Variants in CHSY3 observed in about 807,000 individuals in gnomAD.
The protein encoded by CHSY3 is N-acetylgalactosaminyl-proteoglycan 3-beta-glucuronosyltransferase 3.
In CHSY3, 35 loss-of-function variants were observed where a neutral mutation model predicts 67.2. That is an observed-to-expected ratio of 0.52 (90% confidence interval 0.40 to 0.69). The LOEUF is 0.69. CHSY3 is among the 30% of genes least tolerant of loss of function. CHSY3 has a pLI of 0.00. For synonymous variants in CHSY3, 474 were observed against 434.7 expected, an observed-to-expected ratio of 1.09 and a Z score of -1.12; for missense variants, 1,069 against 1,138.5, an observed-to-expected ratio of 0.94 and a Z score of 0.88.
chr5:130,077,394 A>T (rs1042701132), intron 2 of CHSY3, among the ~76,000 whole-genome samples: 1 of 152,120 alleles, frequency 6.6e-6, no homozygotes, highest in African/African-American at 2.4e-5. Flanking sequence ...GCAGAAGCCC[A>T]AACAGGAATT....
intron 2 of CHSY3, among the ~76,000 whole-genome samples, chr5:130,138,995 A>T (rs1482676417): frequency 6.6e-6 from 1 of 152,210 alleles, no homozygotes; most frequent in Non-Finnish European, 1.5e-5. Flanking sequence ...CCTACTACAT[A>T]CATAGGCTAT....
chr5:129,929,797 T>C (rs1158011722), intron 2 of CHSY3, among the ~76,000 whole-genome samples: 1 of 152,192 alleles, frequency 6.6e-6, no homozygotes, highest in Non-Finnish European at 1.5e-5. Flanking sequence ...AAAATCTCTA[T>C]GGATAAATGG....
At chr5:130,062,493 A>G in intron 2 of CHSY3, among the ~76,000 whole-genome samples, 1 of 152,112 alleles carries the variant, frequency 6.6e-6, no homozygotes, top group East Asian at 1.9e-4. Context: ...CCTAATCTCT[A>G]TCAGTACGCA....
At chr5:130,089,590 A>C (rs1426261748) in intron 2 of CHSY3, among the ~76,000 whole-genome samples, 1 of 152,116 alleles carries the variant, frequency 6.6e-6, no homozygotes, top group Non-Finnish European at 1.5e-5. Context: ...GGAGAAACAC[A>C]AGTGTTGGTT....
At chr5:130,056,985 G>A (rs995516661) in intron 2 of CHSY3, among the ~76,000 whole-genome samples, 6 of 128,068 alleles carry the variant, frequency 4.7e-5, no homozygotes, top group East Asian at 2.4e-4. Flanking sequence ...GTGCAGTGGC[G>A]TGATCTCGGC....
chr5:130,179,678 A>G (rs999467686), intron 2 of CHSY3, among the ~76,000 whole-genome samples: 1 of 151,472 alleles, frequency 6.6e-6, no homozygotes, highest in East Asian at 1.9e-4. Context: ...GTTTTTCTCA[A>G]TTTCATGGCT....
intron 2 of CHSY3, among the ~76,000 whole-genome samples, chr5:129,990,721 T>G (rs1357910463): frequency 2.0e-5 from 3 of 152,160 alleles, no homozygotes; most frequent in Non-Finnish European, 4.4e-5. Context: ...ATTTTTCACT[T>G]TATTCATTCA....
intron 2 of CHSY3, among the ~76,000 whole-genome samples, chr5:130,087,076 T>G (rs1766662627): frequency 6.6e-6 from 1 of 152,114 alleles, no homozygotes; most frequent in Non-Finnish European, 1.5e-5. Context: ...TGCAAATCAA[T>G]AAATGTAATC....
rs540643583 is a variant in CHSY3, at chr5:129,905,449, C to G, written c.620C>G (p.Ser207Cys). Residue 207 changes from serine (S) to cysteine (C), a missense_variant, in exon 1 of 3, where the codon TCC becomes TGC. Physicochemically the swap from Ser to Cys is moderately radical, Grantham distance 112 (BLOSUM62 -1). Coordinates refer to ENST00000305031, the MANE Select transcript of CHSY3 (RefSeq NM_175856.5). ...ATCCCGGGCCGCGTGGAGTTCTTTTCCAGCCAGCAGCCCCCCAACGCCGGC... is the reference window on the plus strand; with the variant it reads ...ATCCCGGGCCGCGTGGAGTTCTTTTGCAGCCAGCAGCCCCCCAACGCCGGC... The part of the protein sequence containing the change: ...RFIPGRVEFF[S>C]SQQPPNAGQP... 6.2e-7 allele frequency: 1 copy of G among 1,612,240 alleles called. No homozygotes were observed. Among genetic ancestry groups the G allele is most frequent in the African/African-American group, 1.3e-5 (1 of 75,044 alleles).
intron 2 of CHSY3, among the ~76,000 whole-genome samples, chr5:130,033,944 A>G (rs1764774629): frequency 6.6e-6 from 1 of 152,204 alleles, no homozygotes; most frequent in African/African-American, 2.4e-5. Context: ...TTTAAATTGG[A>G]AAATCTATTT....
At chr5:129,972,359 T>G (rs1762666978) in intron 2 of CHSY3, among the ~76,000 whole-genome samples, 1 of 152,030 alleles carries the variant, frequency 6.6e-6, no homozygotes, top group Non-Finnish European at 1.5e-5. Flanking sequence ...TATGTTTCCC[T>G]TCCTGCTTTC....
intron 2 of CHSY3, among the ~76,000 whole-genome samples, chr5:130,153,804 T>C (rs561686118): frequency 6.6e-6 from 1 of 152,316 alleles, no homozygotes; most frequent in African/African-American, 2.4e-5. Context: ...ATTGTTCATT[T>C]AGTTTTTGTT....
At chr5:130,131,019 CATCTTCCTAAGGAATATCATTT>C (rs1432657898) in intron 2 of CHSY3, among the ~76,000 whole-genome samples, 1 of 152,154 alleles carries the variant, frequency 6.6e-6, no homozygotes, top group Non-Finnish European at 1.5e-5. Flanking sequence ...TATCTCCACA[CATCTTCCTAAGGAATATCATTT>C]ACTCTCACCA....
intron 2 of CHSY3, among the ~76,000 whole-genome samples, chr5:130,025,815 A>G (rs1008322208): frequency 1.3e-5 from 2 of 152,090 alleles, no homozygotes; most frequent in Non-Finnish European, 2.9e-5. Flanking sequence ...TGCATGTCCA[A>G]ATATGATCAC....
chr5:130,031,973 T>A (rs1580667536), intron 2 of CHSY3, among the ~76,000 whole-genome samples: 1 of 152,206 alleles, frequency 6.6e-6, no homozygotes, highest in East Asian at 1.9e-4. Flanking sequence ...AACTTAGATG[T>A]AACTTGATAA....
At chr5:130,120,238 C>G (rs373106817) in intron 2 of CHSY3, among the ~76,000 whole-genome samples, 2 of 152,158 alleles carry the variant, frequency 1.3e-5, no homozygotes, top group South Asian at 4.1e-4. Flanking sequence ...GCCTCATTAT[C>G]TCTTGCCTAC....
rs1004163699 is a variant in CHSY3 at position 129,905,283 on chromosome 5, A to G, written c.454A>G (p.Ser152Gly). 12 of 1,469,392 alleles carry G rather than the reference A, an allele frequency of 8.2e-6. No homozygotes were observed. Among genetic ancestry groups the G allele is most frequent in the Non-Finnish European group, 1.1e-5 (12 of 1,113,412 alleles). 91.0% of individuals were successfully genotyped at this position (1,469,392 alleles called of 1,614,324 possible). Reference protein sequence around the residue: ...AGQRRDGRPGSSHNGSGDGGA... With the variant: ...AGQRRDGRPGGSHNGSGDGGA... ...GCAGCGGAGAGACGGCCGGCCGGGG[A>G]GTAGCCACAACGGCAGCGGGGACGG... Residue 152 changes from serine to glycine, a missense_variant, in exon 1 of 3, where the codon AGT (serine) becomes GGT (glycine). This residue lies in a region of CHSY3 where 309 missense variants were observed against 262.5 expected (regional missense o/e 1.18). Coordinates refer to ENST00000305031, the MANE Select transcript of CHSY3 (RefSeq NM_175856.5).
intron 2 of CHSY3, among the ~76,000 whole-genome samples, chr5:130,005,423 G>A (rs746707711): frequency 5.3e-5 from 5 of 93,772 alleles, no homozygotes; most frequent in Non-Finnish European, 4.4e-5. Flanking sequence ...AAAACAAGAC[G>A]AAACAACAAA....
intron 2 of CHSY3, among the ~76,000 whole-genome samples, chr5:130,172,226 T>C (rs933163432): frequency 2.0e-5 from 3 of 152,092 alleles, no homozygotes; most frequent in Non-Finnish European, 1.5e-5. Context: ...GAGTGTGATA[T>C]GCATTCACTT....
Sources: allele counts gnomAD v4.1 joint callset (sites outside exome capture counted in the v4.1 genomes callset), GRCh38; gene constraint gnomAD v4.1.1; regional missense constraint gnomAD v4.1.1; transcripts MANE v1.5; gene names NCBI Gene and HGNC (gene_info 2026-07-23, HGNC 2026-07-21).